Variants in ABCA1 observed in about 807,000 individuals in gnomAD.
ABCA1 encodes the protein phospholipid-transporting ATPase ABCA1.
ABCA1 carries 133 observed loss-of-function variants against 262.5 expected under a neutral mutation model. The ratio of observed to expected loss-of-function variants is 0.51; its 90% confidence interval spans 0.44 to 0.59. The LOEUF is 0.59. Among genes scored for constraint, ABCA1 ranks in the 20% least tolerant of loss-of-function variants. ABCA1 has a pLI of 0.00. For missense variants in ABCA1, 2,452 were observed against 2,777.5 expected, an observed-to-expected ratio of 0.88 and a Z score of 2.63; for synonymous variants, 1,022 against 1,043.5, an observed-to-expected ratio of 0.98 and a Z score of 0.40.
chr9:104,861,887 T>G, intron 5 of ABCA1, 87 bp from the exon 6 acceptor site: 1 of 1,214,118 alleles, frequency 8.2e-7, no homozygotes, highest in South Asian at 1.3e-5. Context: ...GGAGAAACGT[T>G]ATCATAATAT....
At chr9:104,801,775 C>T (rs1327670230) in intron 34 of ABCA1, among the ~76,000 whole-genome samples, 1 of 152,172 alleles carries the variant, frequency 6.6e-6, no homozygotes, top group Non-Finnish European at 1.5e-5. Context: ...AACTCCTGAC[C>T]TCAAGTGATC....
intron 3 of ABCA1, among the ~76,000 whole-genome samples, 178 bp downstream of exon 3, chr9:104,888,924 A>G (rs192623759): frequency 6.6e-6 from 1 of 152,388 alleles, no homozygotes; most frequent in East Asian, 1.9e-4. Flanking sequence ...ACTAGGACTG[A>G]AAACAGTCTC....
At chr9:104,917,610 C>T (rs1485233378) in intron 1 of ABCA1, among the ~76,000 whole-genome samples, 1 of 151,962 alleles carries the variant, frequency 6.6e-6, no homozygotes, top group African/African-American at 2.4e-5. Flanking sequence ...AAAAATTAGC[C>T]GGGTGTGGTG....
chr9:104,836,064 A>C (rs1389484381), intron 11 of ABCA1, among the ~76,000 whole-genome samples: 1 of 152,218 alleles, frequency 6.6e-6, no homozygotes, highest in African/African-American at 2.4e-5. Flanking sequence ...CTTTAATGGC[A>C]TGAGCTATAT....
chr9:104,789,331 G>A (rs1299041967), intron 44 of ABCA1, among the ~76,000 whole-genome samples: 9 of 152,170 alleles, frequency 5.9e-5, no homozygotes, highest in Non-Finnish European at 7.3e-5. Flanking sequence ...TGCTATATGC[G>A]TCAGGAGCTT....
At chr9:104,836,033 T>C (rs1833788003) in intron 11 of ABCA1, among the ~76,000 whole-genome samples, 1 of 152,186 alleles carries the variant, frequency 6.6e-6, no homozygotes, top group Non-Finnish European at 1.5e-5. Flanking sequence ...CATATAACCC[T>C]CCTTTAGAGA....
chr9:104,882,952 A>T, intron 5 of ABCA1, 87 bp downstream of exon 5: 1 of 1,287,684 alleles, frequency 7.8e-7, no homozygotes, highest in Admixed American at 1.7e-5. Flanking sequence ...TCTAATGGGA[A>T]CAAGCCCCAG....
At chr9:104,802,589 G>A (rs1262369029) in intron 33 of ABCA1, among the ~76,000 whole-genome samples, 1 of 152,202 alleles carries the variant, frequency 6.6e-6, no homozygotes, top group East Asian at 1.9e-4. Flanking sequence ...GCTATTATAG[G>A]GGCCTGCGTC....
At chr9:104,881,815 G>C (rs974850708) in intron 5 of ABCA1, among the ~76,000 whole-genome samples, 1 of 151,858 alleles carries the variant, frequency 6.6e-6, no homozygotes, top group Admixed American at 6.6e-5. Context: ...GCAAGACCAG[G>C]ACCTGCAGGT....
chr9:104,819,670 C>T lies in ABCA1; in HGVS notation c.3157G>A (p.Val1053Ile), dbSNP rs1439473323. 6.2e-7 allele frequency: 1 copy of T among 1,614,204 alleles called. No individual in the cohort carries two copies. The highest frequency in any genetic ancestry group is 2.2e-5 in the East Asian group (1 of 44,884). The change falls in exon 22 of 50, where the codon GTT (valine) becomes ATT (isoleucine). Residue 1053 changes from valine to isoleucine, a missense_variant. By Grantham distance (29) the Val-to-Ile change is conservative (BLOSUM62 3). Transcript: ENST00000374736. ...GCTGTGGGTTCATCCAGAATGACAACCTTAGATCCCCCGACAAAGGCCAAG... is the reference window on the plus strand; with the variant it reads ...GCTGTGGGTTCATCCAGAATGACAATCTTAGATCCCCCGACAAAGGCCAAG... ...VALAFVGGSK[V>I]VILDEPTAGV...
intron 1 of ABCA1, among the ~76,000 whole-genome samples, chr9:104,919,004 C>G (rs1841989583): frequency 6.6e-6 from 1 of 152,186 alleles, no homozygotes; most frequent in Admixed American, 6.5e-5. Flanking sequence ...CAAACATCTT[C>G]CTAGCAGCTC....
chr9:104,880,032 C>A (rs533588491), intron 5 of ABCA1, among the ~76,000 whole-genome samples: 1 of 152,330 alleles, frequency 6.6e-6, no homozygotes, highest in South Asian at 2.1e-4. Context: ...CTCTAGAAAG[C>A]ATAACAGGGT....
rs1040126071 is a variant in ABCA1, at chr9:104,868,308, C to T, written c.422-6508G>A. Among the ~76,000 whole-genome samples the T allele has an allele frequency of 5.3e-5, 8 of 152,138 alleles. No individual in the cohort carries two copies. In the East Asian group the frequency reaches 7.7e-4, roughly 15 times the overall value. ...CAGAGGTTGCAGTGAGCCGAGATCA[C>T]GCCATTGCAATCCAGCCTGGGCAAC... On this transcript the variant is annotated intron_variant, in intron 5 of 49. Transcript: ENST00000374736.
At chr9:104,917,300 G>A (rs1841903056) in intron 1 of ABCA1, among the ~76,000 whole-genome samples, 1 of 152,218 alleles carries the variant, frequency 6.6e-6, no homozygotes, top group Non-Finnish European at 1.5e-5. Context: ...GGCAAGCTCA[G>A]TATTTCCCCA....
chr9:104,838,995 A>G (rs4742924), intron 9 of ABCA1, among the ~76,000 whole-genome samples: 21,000 of 152,034 alleles, frequency 0.14, 2,244 homozygotes, highest in East Asian at 0.41. Context: ...TACTCCAGAG[A>G]AGAAAAGGTT....
chr9:104,797,351 G>A (rs764735835), intron 37 of ABCA1, among the ~76,000 whole-genome samples: 1 of 152,188 alleles, frequency 6.6e-6, no homozygotes, highest in Non-Finnish European at 1.5e-5. Context: ...AAAATCAAAT[G>A]AATTTGTATA....
chr9:104,822,861 T>C (rs1443757601), intron 18 of ABCA1, among the ~76,000 whole-genome samples, 194 bp from the exon 19 acceptor site: 3 of 152,212 alleles, frequency 2.0e-5, no homozygotes, highest in Admixed American at 2.0e-4. Flanking sequence ...GGGAATACGA[T>C]GATAAAGGAG....
At chr9:104,883,777 T>C (rs1183478687) in intron 4 of ABCA1, among the ~76,000 whole-genome samples, 2 of 152,222 alleles carry the variant, frequency 1.3e-5, no homozygotes, top group Admixed American at 1.3e-4. Context: ...CATCCCATCG[T>C]CCTTACTCCG....
intron 43 of ABCA1, 132 bp downstream of exon 43, chr9:104,791,804 A>G: frequency 1.2e-6 from 1 of 814,602 alleles, no homozygotes; most frequent in Non-Finnish European, 2.0e-6. Context: ...TCGATGACTA[A>G]TTGCTCCATC....
Sources: allele counts gnomAD v4.1 joint callset (sites outside exome capture counted in the v4.1 genomes callset), GRCh38; gene constraint gnomAD v4.1.1; transcripts MANE v1.5; gene names NCBI Gene and HGNC (gene_info 2026-07-23, HGNC 2026-07-21).